Variants in FAT2 observed in about 807,000 individuals in gnomAD.
FAT2 encodes the protein FAT atypical cadherin 2.
In FAT2, 150 loss-of-function variants were observed where a neutral mutation model predicts 295.3. That is an observed-to-expected ratio of 0.51 (90% CI 0.44 to 0.58). The LOEUF (loss-of-function observed/expected upper bound fraction) is 0.58, where lower values mean the gene tolerates loss of function less well. Ranked by LOEUF, FAT2 falls within the 20% of genes least tolerant of loss-of-function variation. The pLI, the probability that FAT2 is intolerant of heterozygous loss-of-function variation, is 0.00. For synonymous variants in FAT2, 2,026 were observed against 2,150.3 expected, an observed-to-expected ratio of 0.94 and a Z score of 1.60; for missense variants, 4,868 against 5,442.7, an observed-to-expected ratio of 0.89 and a Z score of 3.32.
Position 151,568,813 on chromosome 5 carries a change from G to T in FAT2, c.119C>A (p.Ala40Asp). 2.5e-6 allele frequency: 4 copies of T among 1,614,112 alleles called. No individual in the cohort carries two copies. The highest frequency in any genetic ancestry group is 1.1e-5 in the South Asian group (1 of 91,058). The change falls in exon 2 of 24, where the codon GCC becomes GAC. Residue 40 changes from alanine (A) to aspartate (D), a missense_variant. Around this residue, in one of 5 missense-constraint regions of FAT2, gnomAD observed 3,297 missense variants for 3,669.4 expected, o/e 0.90. Transcript: ENST00000261800. ...GGGAGAAGAATTTTCATAGATGGTG[G>T]CATTGTAATGGGAGTGTGTGAAGTG... ...AWHFTHSHYNATIYENSSPKT... is the reference protein window; with the variant it reads ...AWHFTHSHYNDTIYENSSPKT...
In FAT2 at chr5:151,521,504, G is replaced by A. The variant is rs2127579550; in HGVS notation, c.11089C>T (p.Gln3697Ter). Residue 3697 changes from glutamine (Q) to a stop codon, truncating the protein, a stop_gained, in exon 19 of 24, where the codon CAG becomes TAG. Transcript: ENST00000261800. LOFTEE classifies it high-confidence loss of function. The stretch of plus-strand genomic sequence containing the variant: ...TGAGTGATGATGGATGCTAGCTCCT[G>A]AAACTCGTAGAAGGTTCCAGAATGC... Reference protein sequence around the residue: ...EGHSGTFYEFQELASIITHSA... With the variant: ...EGHSGTFYEF 6.2e-7 allele frequency: 1 copy of A among 1,614,234 alleles called. No individual in the cohort carries two copies. The highest frequency in any genetic ancestry group is 1.3e-5 in the African/African-American group (1 of 75,060).
At chr5:151,580,237 G>T (rs1006235593) in intron 1 of FAT2, among the ~76,000 whole-genome samples, 1 of 152,190 alleles carries the variant, frequency 6.6e-6, no homozygotes, top group African/African-American at 2.4e-5. Context: ...AAGGTCTTCT[G>T]CATTAGTCAA....
chr5:151,539,909 G>A (rs1183134099), intron 11 of FAT2, among the ~76,000 whole-genome samples: 6 of 152,174 alleles, frequency 3.9e-5, no homozygotes, highest in Non-Finnish European at 7.3e-5. Context: ...TCTCGTGTTT[G>A]TGTCTCTGTA....
intron 11 of FAT2, among the ~76,000 whole-genome samples, chr5:151,539,243 T>G (rs150150365): frequency 2.6e-5 from 4 of 152,314 alleles, no homozygotes; most frequent in African/African-American, 9.6e-5. Flanking sequence ...CAGACTCTCT[T>G]TTTCTACAGT....
intron 17 of FAT2, 136 bp downstream of exon 17, chr5:151,527,098 C>T (rs917595058): frequency 4.8e-6 from 4 of 842,082 alleles, no homozygotes; most frequent in Non-Finnish European, 7.5e-6. Flanking sequence ...CTCCAGCAGT[C>T]TGTGTTGCCT....
Position 151,534,595 on chromosome 5 carries a change from A to C in FAT2, c.9241T>G (p.Phe3081Val), listed in dbSNP as rs1372204246. The change falls in exon 13 of 24, where the codon TTC (phenylalanine) becomes GTC (valine). Residue 3081 changes from phenylalanine (F) to valine (V), a missense_variant. Phe to Val is a conservative substitution (Grantham distance 50). Transcript: ENST00000261800. ...TCCGTCGCCTTGGCAACAAGGTTGA[A>C]CACATCCTTCCTTTCTCGGTCTAGG... ...TALDRERKDV[F>V]NLVAKATDGG... 6.2e-7 allele frequency: 1 copy of C among 1,613,978 alleles called. No individual in the cohort carries two copies. The highest frequency in any genetic ancestry group is 8.5e-7 in the Non-Finnish European group (1 of 1,179,950).
At position 151,533,271 on chromosome 5, in the gene FAT2, T is replaced by C. The variant is rs545068420; in HGVS notation, c.9427+1138A>G. Among the ~76,000 whole-genome samples, 4 of 152,200 alleles carry C rather than the reference T, an allele frequency of 2.6e-5. No individual in the cohort carries two copies. The South Asian group carries it at 8.3e-4, about 32-fold the overall frequency. ...AGCACTTACAGAGCCTTGCAGCCAT[T>C]AGATGGAGACGTAAATAAGATGGCT... On this transcript the variant is annotated intron_variant, in intron 13 of 23. Transcript: ENST00000261800.
rs779038265 is a variant in FAT2, at chr5:151,568,896, C to A, written c.36G>T (p.Leu12Phe). ...TIALLGFAIF[L>F]LHCATCEKPL... The stretch of plus-strand genomic sequence containing the variant: ...GCTTCTCACAGGTCGCACAATGGAG[C>A]AAGAATATGGCAAAACCCAGCAGGG... Residue 12 changes from leucine to phenylalanine, a missense_variant, in exon 2 of 24, where the codon TTG becomes TTT. Coordinates refer to ENST00000261800, the MANE Select transcript of FAT2 (RefSeq NM_001447.3). 49 of 1,612,632 alleles carry A rather than the reference C, an allele frequency of 3.0e-5. No individual in the cohort carries two copies. The South Asian group carries it at 5.0e-4, about 16-fold the overall frequency.
chr5:151,505,383 T>G lies in FAT2; in HGVS notation c.*182A>C, dbSNP rs1171348680. 4 of 705,998 alleles carry G rather than the reference T, an allele frequency of 5.7e-6. No homozygotes were observed. In the African/African-American group the frequency reaches 7.2e-5, roughly 13 times the overall value. The allele number at this position is 705,998 out of a possible 1,614,324, so 43.7% of individuals were successfully genotyped here. A position where few individuals can be genotyped will look rare whatever the true frequency, so the allele number is the denominator to read the frequency against. On this transcript the variant is annotated 3_prime_UTR_variant, in exon 24 of 24. Transcript: ENST00000261800. The stretch of plus-strand genomic sequence containing the variant: ...CTGTTTCTGGAGCTCTATCCTCAGC[T>G]TCCCTCCACCCTCAGGGACTAGGTG...
rs1581257733 is a variant in FAT2, at chr5:151,505,779, G to A, written c.12836C>T (p.Ser4279Leu). 1.2e-6 allele frequency: 2 copies of A among 1,614,046 alleles called. No individual in the cohort carries two copies. Among genetic ancestry groups the A allele is most frequent in the South Asian group, 1.1e-5 (1 of 91,084 alleles). ...CCCTCCCCCTCCCTGCCGGAACTGCGAGTGGTAGTAGCTGATGGCCGTGTA... is the reference window on the plus strand; with the variant it reads ...CCCTCCCCCTCCCTGCCGGAACTGCAAGTGGTAGTAGCTGATGGCCGTGTA... ...NEYTAISYYH[S>L]QFRQGGGGPC... Residue 4279 changes from serine to leucine, a missense_variant, in exon 24 of 24, where the codon TCG (serine) becomes TTG (leucine). Transcript: ENST00000261800.
At position 151,566,468 on chromosome 5, in the gene FAT2, G is replaced by A. The variant is rs116310150; in HGVS notation, c.2464C>T (p.Pro822Ser). ...DWNDNAPRFP[P>S]GGYQLTISED... ...GAGATGGTTAACTGGTACCCACCGG[G>A]AGGAAATCTGGGTGCGTTGTCATTC... Residue 822 changes from proline (P) to serine (S), a missense_variant, in exon 2 of 24, where the codon CCC (proline) becomes TCC (serine). Coordinates refer to ENST00000261800, the MANE Select transcript of FAT2 (RefSeq NM_001447.3). 8.6e-4 allele frequency: 1,390 copies of A among 1,613,712 alleles called. 9 individuals carry two copies. In the African/African-American group the frequency reaches 0.017, roughly 20 times the overall value.
chr5:151,528,181 C>G (rs2127587549), intron 15 of FAT2, 48 bp from the exon 16 acceptor site: 1 of 1,603,788 alleles, frequency 6.2e-7, no homozygotes, highest in Non-Finnish European at 8.5e-7. Flanking sequence ...GAATCTTGAC[C>G]CCTGGGAGTA....
intron 11 of FAT2, among the ~76,000 whole-genome samples, chr5:151,539,552 A>G (rs965172899): frequency 6.6e-6 from 1 of 152,288 alleles, no homozygotes; most frequent in African/African-American, 2.4e-5. Context: ...TCCTTTGTGT[A>G]TATGTGTGGG....
At position 151,521,197 on chromosome 5, in the gene FAT2, C is replaced by A. The variant is rs763035330; in HGVS notation, c.11317+79G>T. 7 of 1,429,362 alleles carry A rather than the reference C, an allele frequency of 4.9e-6. No homozygotes were observed. In the East Asian group the frequency reaches 1.4e-4, roughly 29 times the overall value. 88.5% of individuals were successfully genotyped at this position (1,429,362 alleles called of 1,614,324 possible). A position where few individuals can be genotyped will look rare whatever the true frequency, so the allele number is the denominator to read the frequency against. On this transcript the variant is annotated intron_variant, in intron 19 of 23. Coordinates refer to ENST00000261800, the MANE Select transcript of FAT2 (RefSeq NM_001447.3). ...TTCCCTGAACTCTCCCACAGAGCCT[C>A]AGTGGAATCTCCATGCTTAGAGTCA...
chr5:151,515,077 T>C (rs949946108), intron 20 of FAT2, among the ~76,000 whole-genome samples: 1 of 152,184 alleles, frequency 6.6e-6, no homozygotes, highest in African/African-American at 2.4e-5. Flanking sequence ...CAACCCACCA[T>C]ACACGGAAAC....
At chr5:151,585,691 C>A (rs1458939435) in intron 1 of FAT2, among the ~76,000 whole-genome samples, 2 of 152,184 alleles carry the variant, frequency 1.3e-5, no homozygotes, top group Non-Finnish European at 2.9e-5. Flanking sequence ...ACTACCAGGA[C>A]AGAGTAGAGA....
intron 19 of FAT2, among the ~76,000 whole-genome samples, chr5:151,519,923 G>T (rs1753268833): frequency 6.6e-6 from 1 of 152,168 alleles, no homozygotes; most frequent in South Asian, 2.1e-4. Context: ...CCAGGAGCAT[G>T]TCTCTTTAAA....
rs1447752803 is a variant in FAT2 at position 151,507,371 on chromosome 5, G to T, written c.12300C>A (p.Ala4100=). 1.2e-6 allele frequency: 2 copies of T among 1,614,092 alleles called. No homozygotes were observed. The highest frequency in any genetic ancestry group is 1.7e-6 in the Non-Finnish European group (2 of 1,180,050). ...TGGCACTCAATGGGTTGAGCTCGAT[G>T]GCAGGCATGGCTTGGGTGTCAACAC... ...SVGVDTQAMP[A]IELNPLSASS... The change falls in exon 23 of 24, where the codon GCC becomes GCA. Residue 4100 remains alanine (A), a synonymous_variant. Transcript: ENST00000261800.
intron 3 of FAT2, among the ~76,000 whole-genome samples, chr5:151,557,894 C>G (rs1179349170): frequency 6.6e-6 from 1 of 152,104 alleles, no homozygotes; most frequent in East Asian, 1.9e-4. Flanking sequence ...TCAGCCTCTC[C>G]CTTCCCCTCC....
Sources: allele counts gnomAD v4.1 joint callset (sites outside exome capture counted in the v4.1 genomes callset), GRCh38; gene constraint gnomAD v4.1.1; regional missense constraint gnomAD v4.1.1; transcripts MANE v1.5; gene names NCBI Gene and HGNC (gene_info 2026-07-23, HGNC 2026-07-21).